Variants in SARNP observed in about 807,000 individuals in gnomAD.
SARNP encodes SAP domain-containing ribonucleoprotein.
SARNP carries 5 observed loss-of-function variants against 38.1 expected under a neutral mutation model. The observed-to-expected ratio is 0.13, with a 90% CI of 0.07 to 0.28. SARNP has a LOEUF of 0.28. SARNP is among the 10% of genes least tolerant of loss of function. The pLI, the probability that SARNP is intolerant of heterozygous loss-of-function variation, is 1.00. For missense variants in SARNP, 180 were observed against 243.9 expected (o/e 0.74, Z 1.75); for synonymous variants, 84 against 80.6 (o/e 1.04, Z -0.23).
intron 1 of SARNP, among the ~76,000 whole-genome samples, chr12:55,815,033 TTA>T (rs1416856743): frequency 1.3e-5 from 2 of 152,176 alleles, no homozygotes; most frequent in Admixed American, 1.3e-4. Context: ...AAAATTCTCT[TTA>T]TGACAATGGA....
chr12:55,782,344 T>A lies in SARNP; in HGVS notation c.501+6731A>T, dbSNP rs1020012141. Among the ~76,000 whole-genome samples, 58 of 152,292 alleles carry A rather than the reference T, an allele frequency of 3.8e-4. 1 individual carries two copies. The highest frequency in any genetic ancestry group is 1.3e-3 in the African/African-American group (55 of 41,550). ...TCTGCTTAGTGCCTGGGATTAGACT[T>A]GCTTTGTTTTTTAAATACCCATGTA... On this transcript the variant is annotated intron_variant, in intron 9 of 10. Coordinates refer to ENST00000336133, the MANE Select transcript of SARNP (RefSeq NM_033082.4).
At chr12:55,810,306 TCTCA>T (rs1430426470) in intron 1 of SARNP, among the ~76,000 whole-genome samples, 1 of 151,866 alleles carries the variant, frequency 6.6e-6, no homozygotes, top group South Asian at 2.1e-4. Context: ...AGAGATGAGG[TCTCA>T]CTATGTTGCC....
chr12:55,784,237 G>A (rs1879423047), intron 9 of SARNP, among the ~76,000 whole-genome samples: 1 of 152,154 alleles, frequency 6.6e-6, no homozygotes, highest in South Asian at 2.1e-4. Flanking sequence ...CTAAAGACAA[G>A]CGACCAAATT....
At chr12:55,775,167 G>A (rs1879138455) in intron 9 of SARNP, among the ~76,000 whole-genome samples, 1 of 149,694 alleles carries the variant, frequency 6.7e-6, no homozygotes, top group Admixed American at 6.7e-5. Context: ...GATTACAGGT[G>A]CGAGCCACCA....
chr12:55,803,103 T>C (rs777903927), intron 2 of SARNP, among the ~76,000 whole-genome samples: 2 of 151,044 alleles, frequency 1.3e-5, no homozygotes, highest in African/African-American at 2.4e-5. Flanking sequence ...CCTAAATGGG[T>C]TGGGGAGAAA....
At chr12:55,776,245 C>G (rs1879177123) in intron 9 of SARNP, among the ~76,000 whole-genome samples, 1 of 152,044 alleles carries the variant, frequency 6.6e-6, no homozygotes, top group Non-Finnish European at 1.5e-5. Context: ...TTGATACCAG[C>G]CTGGGCAAAA....
chr12:55,757,536 T>G lies in SARNP; in HGVS notation c.609A>C (p.Arg203Ser). 6.2e-7 allele frequency: 1 copy of G among 1,609,686 alleles called. No homozygotes were observed. The highest frequency in any genetic ancestry group is 8.5e-7 in the Non-Finnish European group (1 of 1,178,898). The change falls in exon 11 of 11, where the codon AGA (arginine) becomes AGC (serine). Residue 203 changes from arginine (R) to serine (S), a missense_variant. Arg to Ser is a moderately radical substitution (Grantham distance 110, BLOSUM62 -1). Around this residue, in one of 2 missense-constraint regions of SARNP, gnomAD observed 19 missense variants for 49.8 expected, o/e 0.38. Coordinates refer to ENST00000336133, the MANE Select transcript of SARNP (RefSeq NM_033082.4). ...TEDTEAKKRK[R>S]AERFGIA ...ATCAGGCAATCCCAAAGCGCTCTGC[T>G]CTTTTCCTCTTCTTTGCCTGTAAAG... is the stretch of plus-strand genomic sequence containing the variant.
chr12:55,761,049 C>A (rs1240969019), intron 9 of SARNP, among the ~76,000 whole-genome samples: 1 of 151,768 alleles, frequency 6.6e-6, no homozygotes, highest in Non-Finnish European at 1.5e-5. Flanking sequence ...TGGTGGCGGG[C>A]GCCTGTAATC....
chr12:55,801,462 T>C (rs778910511), intron 2 of SARNP, among the ~76,000 whole-genome samples: 6 of 151,788 alleles, frequency 4.0e-5, no homozygotes, highest in Admixed American at 6.6e-5. Context: ...ACAAAAAAAG[T>C]ATGTGGAAAA....
At chr12:55,787,739 T>C (rs978822209) in intron 9 of SARNP, among the ~76,000 whole-genome samples, 3 of 147,440 alleles carry the variant, frequency 2.0e-5, no homozygotes, top group Non-Finnish European at 4.4e-5. Context: ...ACTGATTTTT[T>C]TCTTTCTTTC....
intron 7 of SARNP, 143 bp from the exon 8 acceptor site, chr12:55,790,735 T>C (rs1295651581): frequency 1.5e-5 from 12 of 779,540 alleles, no homozygotes; most frequent in Non-Finnish European, 2.1e-5. Context: ...CGATCATGTC[T>C]GCATTCACTG....
intron 9 of SARNP, among the ~76,000 whole-genome samples, chr12:55,778,787 T>C (rs906167892): frequency 3.9e-5 from 6 of 152,224 alleles, no homozygotes; most frequent in Admixed American, 2.0e-4. Context: ...TTGGCCAACA[T>C]GGTGAAACTC....
At chr12:55,815,102 A>C (rs1451780416) in intron 1 of SARNP, among the ~76,000 whole-genome samples, 1 of 151,964 alleles carries the variant, frequency 6.6e-6, no homozygotes, top group African/African-American at 2.4e-5. Flanking sequence ...ACCCAGGCTG[A>C]AGTGCAGTGG....
chr12:55,809,467 C>A (rs770443629), intron 1 of SARNP, among the ~76,000 whole-genome samples: 3 of 147,816 alleles, frequency 2.0e-5, no homozygotes, highest in African/African-American at 7.5e-5. Context: ...ACAAAAAAAA[C>A]CAGCTAGGTA....
At chr12:55,783,857 T>C (rs920185049) in intron 9 of SARNP, among the ~76,000 whole-genome samples, 6 of 151,572 alleles carry the variant, frequency 4.0e-5, no homozygotes, top group African/African-American at 7.3e-5. Context: ...CTTTGGGAGG[T>C]TGAGGCAGGA....
rs551658906 is a variant in SARNP, at chr12:55,759,229, C to G, written c.591+1322G>C. 2.2e-4 allele frequency among the ~76,000 whole-genome samples: 34 copies of G among 152,222 alleles called. 1 individual carries two copies. Among genetic ancestry groups the G allele is most frequent in the African/African-American group, 7.9e-4 (33 of 41,544 alleles). The stretch of plus-strand genomic sequence containing the variant: ...TCTCATTTGAGTCCACTGTCCTTTT[C>G]CAGAAATGAGTTAGGCACAACCAGT... On this transcript the variant is annotated intron_variant, in intron 10 of 10. Transcript: ENST00000336133.
intron 9 of SARNP, among the ~76,000 whole-genome samples, chr12:55,764,733 G>A (rs1055936337): frequency 6.7e-6 from 1 of 149,592 alleles, no homozygotes; most frequent in Non-Finnish European, 1.5e-5. Context: ...TCGGGAAGCT[G>A]AGGCAGGAGA....
At chr12:55,764,832 CAAAAAAAAAA>C (rs1162009254) in intron 9 of SARNP, among the ~76,000 whole-genome samples, 2 of 62,052 alleles carry the variant, frequency 3.2e-5, no homozygotes, top group Non-Finnish European at 7.7e-5. Flanking sequence ...CTCTGTCTCA[CAAAAAAAAAA>C]AAAAAAAAAA....
chr12:55,807,106 G>A (rs749591521), intron 1 of SARNP, among the ~76,000 whole-genome samples: 3 of 152,124 alleles, frequency 2.0e-5, no homozygotes, highest in African/African-American at 4.8e-5. Flanking sequence ...TTTTAAATAG[G>A]TAGGCTGATA....
Sources: gnomAD v4.1 joint callset for allele counts (sites outside exome capture counted in the v4.1 genomes callset) on GRCh38, gnomAD v4.1.1 for gene constraint, gnomAD v4.1.1 regional missense constraint, MANE v1.5 for transcripts, NCBI Gene and HGNC (gene_info 2026-07-23, HGNC 2026-07-21) for gene names.